The following NCF2 variants were observed in gnomAD, a reference collection of about 807,000 sequenced individuals.
NCF2 encodes neutrophil cytosolic factor 2, also known as neutrophil cytosol factor 2.
A neutral mutation model predicts 70.9 loss-of-function variants in NCF2; 45 were observed. The ratio of observed to expected loss-of-function variants is 0.63; its 90% CI spans 0.50 to 0.81. The LOEUF (loss-of-function observed/expected upper bound fraction) is 0.81, where lower values mean the gene tolerates loss of function less well. Ranked by LOEUF, NCF2 falls within the 40% of genes least tolerant of loss-of-function variation. The pLI, the probability that NCF2 is intolerant of heterozygous loss-of-function variation, is 0.00. For missense variants in NCF2, 522 were observed against 631.6 expected, an observed-to-expected ratio of 0.83 and a Z score of 1.86; for synonymous variants, 203 against 233.6, an observed-to-expected ratio of 0.87 and a Z score of 1.19.
chr1:183,561,802 T>G (rs1199286343), intron 13 of NCF2, among the ~76,000 whole-genome samples: 1 of 88,294 alleles, frequency 1.1e-5, no homozygotes, highest in Admixed American at 1.3e-4. Flanking sequence ...TTTTTTTTTT[T>G]TTTTTTTTTT....
At chr1:183,567,040 CA>C in intron 8 of NCF2, 52 bp from the exon 9 acceptor site, 1 of 1,611,450 alleles carries the variant, frequency 6.2e-7, no homozygotes. Context: ...ATGTGCTCAT[CA>C]GTACCCACAC....
At chr1:183,558,238 C>CT (rs961453842) in intron 14 of NCF2, among the ~76,000 whole-genome samples, 3 of 150,716 alleles carry the variant, frequency 2.0e-5, no homozygotes, top group Non-Finnish European at 3.0e-5. Flanking sequence ...CCCCCATTAA[C>CT]TTTTTTTTTA....
At chr1:183,583,645 G>A (rs1176271729) in intron 2 of NCF2, among the ~76,000 whole-genome samples, 1 of 152,226 alleles carries the variant, frequency 6.6e-6, no homozygotes, top group Non-Finnish European at 1.5e-5. Flanking sequence ...TAGTGGAGAA[G>A]ACAAATATAT....
chr1:183,561,779 CTTTTTTTTTTTTTTTTTTTTTTTTTTT>C lies in NCF2; in HGVS notation c.1290+1389_1290+1415del, dbSNP rs57218247. 1.2e-4 allele frequency among the ~76,000 whole-genome samples: 8 copies of C among 65,122 alleles called. No individual in the cohort carries two copies. In the East Asian group the frequency reaches 3.4e-3, roughly 28 times the overall value. The allele number at this position is 65,122 out of a possible 152,430, so 42.7% of individuals were successfully genotyped here. Reference sequence around the variant, plus strand: ...TTCAGGCATAAACCATACCAGGCCTCTTTTTTTTTTTTTTTTTTTTTTTTTTTTTTTTTTTTTTGAGGCAGAATCTCT... The same window carrying C: ...TTCAGGCATAAACCATACCAGGCCTCTTTTTTTTTTTGAGGCAGAATCTCT... On this transcript the variant is annotated intron_variant, in intron 13 of 14. Transcript: ENST00000367535.
chr1:183,559,942 T>A (rs1038283096), intron 14 of NCF2, among the ~76,000 whole-genome samples, 154 bp downstream of exon 14: 2 of 152,240 alleles, frequency 1.3e-5, no homozygotes, highest in Non-Finnish European at 2.9e-5. Context: ...GTCTGAGTGC[T>A]CAACTTTGCT....
intron 1 of NCF2, among the ~76,000 whole-genome samples, chr1:183,589,895 C>G (rs1673559456): frequency 6.6e-6 from 1 of 152,094 alleles, no homozygotes; most frequent in Non-Finnish European, 1.5e-5. Context: ...GTTAAAGACA[C>G]TTGTAGAATG....
upstream of NCF2, among the ~76,000 whole-genome samples, chr1:183,592,454 T>C (rs1673698871): frequency 6.6e-6 from 1 of 152,246 alleles, no homozygotes; most frequent in South Asian, 2.1e-4. Context: ...TCATACTTAC[T>C]GCAATTTATC....
the NCF2 span, among the ~76,000 whole-genome samples, chr1:183,599,425 T>TCTTTCTTTCTTTCTTTC: frequency 2.3e-3 from 173 of 75,948 alleles, 1 homozygote; most frequent in African/African-American, 7.1e-3. Context: ...TTTCTTTCCT[T>TCTTTCTTTCTTTCTTTC]CTTTCTTTCT....
At position 183,583,141 on chromosome 1, in the gene NCF2, C is replaced by T. The variant is rs771293387; in HGVS notation, c.257+3754G>A. Among the ~76,000 whole-genome samples the T allele has an allele frequency of 4.5e-4, 69 of 152,136 alleles. 1 individual carries two copies. The highest frequency in any genetic ancestry group is 8.1e-4 in the Non-Finnish European group (55 of 67,996). On this transcript the variant is annotated intron_variant, in intron 2 of 14. Coordinates refer to ENST00000367535, the MANE Select transcript of NCF2 (RefSeq NM_000433.4). ...TATCTCGGTTCACTGCAACATCTGCCTCCCAGGTCCAAGCTATTCTCCTGC... is the reference window on the plus strand; with the variant it reads ...TATCTCGGTTCACTGCAACATCTGCTTCCCAGGTCCAAGCTATTCTCCTGC...
chr1:183,589,028 G>A (rs1003369708), intron 1 of NCF2, among the ~76,000 whole-genome samples: 4 of 152,220 alleles, frequency 2.6e-5, no homozygotes, highest in Non-Finnish European at 5.9e-5. Context: ...GAGGAGGTGG[G>A]GCCATGTCCT....
intron 3 of NCF2, among the ~76,000 whole-genome samples, chr1:183,574,909 CA>C (rs1381531520): frequency 2.6e-5 from 4 of 152,176 alleles, no homozygotes; most frequent in African/African-American, 9.7e-5. Context: ...ACAGTGTGTT[CA>C]AACCAGGTTA....
chr1:183,577,719 AG>A lies in NCF2; in HGVS notation c.258-13del. Reference sequence around the variant, plus strand: ...TAGCCAAATCATATCTGCAGGACAGAGGGAGAAAATACAGCAGTCTAGTGGA... The same window carrying A: ...TAGCCAAATCATATCTGCAGGACAGAGGAGAAAATACAGCAGTCTAGTGGA... On this transcript the variant is annotated splice_polypyrimidine_tract_variant and intron_variant, in intron 2 of 14. Transcript: ENST00000367535. 8 of 1,576,592 alleles carry A rather than the reference AG, an allele frequency of 5.1e-6. No homozygotes were observed. Among genetic ancestry groups the A allele is most frequent in the Non-Finnish European group, 7.0e-6 (8 of 1,145,932 alleles).
At chr1:183,576,823 G>T (rs1672820379) in intron 3 of NCF2, among the ~76,000 whole-genome samples, 2 of 152,066 alleles carry the variant, frequency 1.3e-5, no homozygotes, top group African/African-American at 2.4e-5. Flanking sequence ...AAAGCAAGGG[G>T]ACTTTTGTCA....
chr1:183,566,989 C>T lies in NCF2; in HGVS notation c.856-1G>A. On this transcript the variant is annotated splice_acceptor_variant, in intron 8 of 14. Transcript: ENST00000367535. LOFTEE classifies it high-confidence loss of function. ...GGTAGTTGCAGGGAACAAGCCCCTT[C>T]TGCAGTGCAGCACCACAGAATCAGA... 6.2e-7 allele frequency: 1 copy of T among 1,614,202 alleles called. No individual in the cohort carries two copies. The highest frequency in any genetic ancestry group is 1.1e-5 in the South Asian group (1 of 91,080).
chr1:183,567,425 G>A (rs766217153), intron 7 of NCF2, 80 bp from the exon 8 acceptor site: 4 of 1,596,706 alleles, frequency 2.5e-6, no homozygotes, highest in Non-Finnish European at 3.4e-6. Context: ...TTGGAGCCAG[G>A]GACTTGGCTC....
intron 6 of NCF2, among the ~76,000 whole-genome samples, chr1:183,570,399 G>A (rs573336431): frequency 6.6e-6 from 1 of 152,360 alleles, no homozygotes; most frequent in Admixed American, 6.5e-5. Flanking sequence ...AGGCCCCACA[G>A]GGTTCCCCAC....
At chr1:183,578,531 A>AT (rs1672910370) in intron 2 of NCF2, among the ~76,000 whole-genome samples, 1 of 152,028 alleles carries the variant, frequency 6.6e-6, no homozygotes, top group Admixed American at 6.6e-5. Context: ...CGCCCGGCTA[A>AT]TTTTTTATAT....
At chr1:183,588,895 C>T (rs1673503251) in intron 1 of NCF2, among the ~76,000 whole-genome samples, 1 of 152,212 alleles carries the variant, frequency 6.6e-6, no homozygotes, top group Admixed American at 6.5e-5. Flanking sequence ...AGGCTACAGT[C>T]CCTGCTGGCA....
At chr1:183,599,887 G>T in the NCF2 span, among the ~76,000 whole-genome samples, 1 of 152,018 alleles carries the variant, frequency 6.6e-6, no homozygotes, top group Non-Finnish European at 1.5e-5. Flanking sequence ...TTTCCTGGTA[G>T]GTGAATTGGG....
Sources: allele counts gnomAD v4.1 joint callset (sites outside exome capture counted in the v4.1 genomes callset), GRCh38; gene constraint gnomAD v4.1.1; transcripts MANE v1.5; gene names NCBI Gene and HGNC (gene_info 2026-07-23, HGNC 2026-07-21).